TPRG1: variants seen among roughly 807,000 people sequenced by gnomAD.
TPRG1 encodes tumor protein p63-regulated gene 1 protein.
Under a neutral mutation model 29.3 loss-of-function variants are expected in TPRG1, and 29 were observed. The observed-to-expected ratio is 0.99, with a 90% CI of 0.74 to 1.35. The LOEUF (loss-of-function observed/expected upper bound fraction) is 1.35. Ranked by LOEUF, TPRG1 falls within the 40% of genes most tolerant of loss-of-function variation. TPRG1 has a pLI of 0.00. For missense variants in TPRG1, 327 were observed against 335.0 expected (o/e 0.98, Z 0.19); for synonymous variants, 130 against 116.8 (o/e 1.11, Z -0.73).
intron 4 of TPRG1, among the ~76,000 whole-genome samples, chr3:189,028,802 G>A (rs1713791643): frequency 6.6e-6 from 1 of 152,172 alleles, no homozygotes; most frequent in Admixed American, 6.5e-5. Context: ...ACAAATGGTA[G>A]TAATGTATTT....
At chr3:189,003,330 T>C (rs1312650839) in intron 2 of TPRG1, among the ~76,000 whole-genome samples, 1 of 152,116 alleles carries the variant, frequency 6.6e-6, no homozygotes, top group Non-Finnish European at 1.5e-5. Flanking sequence ...CCTACAGCAC[T>C]TCCAACCAAT....
intron 4 of TPRG1, among the ~76,000 whole-genome samples, chr3:189,296,794 ATAAAAGTG>A (rs1720002854): frequency 6.6e-6 from 1 of 152,198 alleles, no homozygotes; most frequent in African/African-American, 2.4e-5. Flanking sequence ...AGATTATATG[ATAAAAGTG>A]TTGTATCACT....
At chr3:189,143,832 T>C (rs1724895433) in intron 3 of TPRG1, among the ~76,000 whole-genome samples, 1 of 152,188 alleles carries the variant, frequency 6.6e-6, no homozygotes, top group Non-Finnish European at 1.5e-5. Context: ...CCTGTTAAGA[T>C]GCAGGCTTTT....
intron 4 of TPRG1, among the ~76,000 whole-genome samples, chr3:189,048,096 T>C (rs1715087524): frequency 6.6e-6 from 1 of 152,220 alleles, no homozygotes; most frequent in South Asian, 2.1e-4. Context: ...AGAACCACTG[T>C]TTATGGCATC....
intron 4 of TPRG1, among the ~76,000 whole-genome samples, chr3:189,078,008 T>TTTCCTTCCTTCCTTCCTTCCTTCC (rs773510018): frequency 1.3e-4 from 13 of 98,878 alleles, no homozygotes; most frequent in South Asian, 7.7e-4. Flanking sequence ...CTAAAAACCT[T>TTTCCTTCCTTCCTTCCTTCCTTCC]TTCCTTCCTT....
At chr3:189,128,235 C>T (rs1722710633) in intron 2 of TPRG1, among the ~76,000 whole-genome samples, 1 of 152,166 alleles carries the variant, frequency 6.6e-6, no homozygotes, top group Admixed American at 6.5e-5. Flanking sequence ...TTGTGCAGCT[C>T]TCCTGGAGCA....
intron 4 of TPRG1, among the ~76,000 whole-genome samples, chr3:189,038,118 A>T (rs1714392878): frequency 6.6e-6 from 1 of 151,924 alleles, no homozygotes; most frequent in Non-Finnish European, 1.5e-5. Flanking sequence ...AGCAAAAAGG[A>T]ATACCTTCCC....
At chr3:189,103,663 C>T (rs905613280) in intron 1 of TPRG1, among the ~76,000 whole-genome samples, 1 of 152,108 alleles carries the variant, frequency 6.6e-6, no homozygotes, top group African/African-American at 2.4e-5. Context: ...GCCAAGCTCA[C>T]ACCAAAAGAA....
Position 189,187,417 on chromosome 3 carries a change from C to CT in TPRG1, c.-10+15287dup, listed in dbSNP as rs369275441. On this transcript the variant is annotated intron_variant, in intron 1 of 5. Coordinates refer to ENST00000345063, the MANE Select transcript of TPRG1 (RefSeq NM_198485.4). ...TGCCTCCTGGGTTCAAGCGATTCTT[C>CT]TGCCTCAGCATCCTGAGTACCTGGG... Among the ~76,000 whole-genome samples the CT allele has an allele frequency of 6.0e-4, 91 of 152,152 alleles. 3 individuals are homozygous for CT. Among genetic ancestry groups the CT allele is most frequent in the Middle Eastern group, 3.4e-3 (1 of 294 alleles).
At chr3:189,167,416 G>C (rs550258897), upstream of TPRG1, among the ~76,000 whole-genome samples, 7 of 152,326 alleles carry the variant, frequency 4.6e-5, no homozygotes, top group South Asian at 1.5e-3. Context: ...TCCCTGCCAT[G>C]AATGGCTGGC....
In TPRG1 at chr3:189,321,459, A is replaced by G. The variant is rs1724311884; in HGVS notation, c.*639A>G. ...TCTAAATTCCTTGCCATGACATCCTATATATGATCACATCTCTATACGGCT... is the reference window on the plus strand; with the variant it reads ...TCTAAATTCCTTGCCATGACATCCTGTATATGATCACATCTCTATACGGCT... On this transcript the variant is annotated 3_prime_UTR_variant, in exon 6 of 6. Coordinates refer to ENST00000345063, the MANE Select transcript of TPRG1 (RefSeq NM_198485.4). 6.6e-6 allele frequency: 1 copy of G among 152,082 alleles called. No homozygotes were observed. The highest frequency in any genetic ancestry group is 2.4e-5 in the African/African-American group (1 of 41,408). 9.4% of individuals were successfully genotyped at this position (152,082 alleles called of 1,614,324 possible).
rs1715008735 is a variant in TPRG1 at position 189,046,834 on chromosome 3, A to G, written c.-463+22888A>G. 2.6e-5 allele frequency among the ~76,000 whole-genome samples: 4 copies of G among 152,172 alleles called. No homozygotes were observed. In the South Asian group the frequency reaches 8.3e-4, roughly 31 times the overall value. On this transcript the variant is annotated intron_variant, in intron 4 of 10. Transcript: ENST00000433971. Reference sequence around the variant, plus strand: ...TTAATGGCTACTAGTCAGTTCTTTTAACTGTCTTCCCCCATCATCAACTCA... The same window carrying G: ...TTAATGGCTACTAGTCAGTTCTTTTGACTGTCTTCCCCCATCATCAACTCA...
At chr3:189,011,572 G>A (rs749079587) in intron 3 of TPRG1, among the ~76,000 whole-genome samples, 3 of 152,090 alleles carry the variant, frequency 2.0e-5, no homozygotes, top group Non-Finnish European at 4.4e-5. Context: ...GAGCTTGTGC[G>A]GGGCAACTCC....
At chr3:189,123,971 A>G (rs1401113010) in intron 1 of TPRG1, among the ~76,000 whole-genome samples, 1 of 152,206 alleles carries the variant, frequency 6.6e-6, no homozygotes, top group Non-Finnish European at 1.5e-5. Flanking sequence ...GTACTGCTGT[A>G]TGATTGTTTA....
At chr3:189,275,895 A>C (rs1475949793) in intron 4 of TPRG1, among the ~76,000 whole-genome samples, 23 of 152,176 alleles carry the variant, frequency 1.5e-4, no homozygotes, top group Admixed American at 1.5e-3. Context: ...AGACAATCTC[A>C]TACCTCAAAG....
At chr3:189,091,541 A>C (rs1445599555) in intron 4 of TPRG1, among the ~76,000 whole-genome samples, 2 of 152,096 alleles carry the variant, frequency 1.3e-5, no homozygotes, top group Non-Finnish European at 2.9e-5. Context: ...GATTAGATTT[A>C]TCTTTTCTAG....
At chr3:189,025,693 C>G (rs561113653) in intron 4 of TPRG1, among the ~76,000 whole-genome samples, 1 of 152,134 alleles carries the variant, frequency 6.6e-6, no homozygotes, top group Non-Finnish European at 1.5e-5. Flanking sequence ...GAGTAACTTG[C>G]TGACACTGAG....
intron 3 of TPRG1, among the ~76,000 whole-genome samples, chr3:189,215,999 G>A (rs1375940): frequency 0.35 from 53,498 of 151,864 alleles, 9,583 homozygotes; most frequent in South Asian, 0.52. Context: ...CACAAAGATG[G>A]TTACCTTTCT....
intron 4 of TPRG1, among the ~76,000 whole-genome samples, chr3:189,084,632 A>T (rs1717815842): frequency 6.6e-6 from 1 of 152,224 alleles, no homozygotes; most frequent in African/African-American, 2.4e-5. Context: ...CTATTCATTA[A>T]CTAAGCTTTC....
Sources: allele counts gnomAD v4.1 joint callset (sites outside exome capture counted in the v4.1 genomes callset), GRCh38; gene constraint gnomAD v4.1.1; transcripts MANE v1.5; gene names NCBI Gene and HGNC (gene_info 2026-07-23, HGNC 2026-07-21).